The following ADGRL3 variants were observed in gnomAD, a reference collection of about 807,000 sequenced individuals.
ADGRL3 encodes the protein calcium-independent alpha-latrotoxin receptor 3.
ADGRL3 carries 62 observed loss-of-function variants against 153.5 expected under a neutral mutation model. The observed-to-expected ratio is 0.40, with a 90% CI of 0.33 to 0.50. The LOEUF (loss-of-function observed/expected upper bound fraction) is 0.50, where lower values mean the gene tolerates loss of function less well. ADGRL3 is among the 20% of genes least tolerant of loss of function. ADGRL3 has a pLI of 0.47. For synonymous variants in ADGRL3, 710 were observed against 672.5 expected (o/e 1.06, Z -0.86); for missense variants, 1,641 against 1,859.4 (o/e 0.88, Z 2.16).
chr4:61,672,036 C>T (rs2095025410), intron 5 of ADGRL3, among the ~76,000 whole-genome samples: 2 of 152,068 alleles, frequency 1.3e-5, no homozygotes, highest in Non-Finnish European at 2.9e-5. Context: ...GTTTTGTTTG[C>T]TGTACAGAAG....
chr4:62,073,103 T>A lies in ADGRL3; in HGVS notation c.*2195T>A, dbSNP rs1746177897. 1 of 152,096 alleles carries A rather than the reference T, an allele frequency of 6.6e-6. No homozygotes were observed. Among genetic ancestry groups the A allele is most frequent in the African/African-American group, 2.4e-5 (1 of 41,424 alleles). 9.4% of individuals were successfully genotyped at this position (152,096 alleles called of 1,614,324 possible). On this transcript the variant is annotated 3_prime_UTR_variant, in exon 27 of 27. Coordinates refer to ENST00000683033, the MANE Select transcript of ADGRL3 (RefSeq NM_001387552.1). ...ATTATAATTTCTCCTGTAGTGTGTT[T>A]TATCTCGGGGTTTCCTTTTTCAAAA...
chr4:61,577,266 C>T (rs1037552481), intron 4 of ADGRL3, among the ~76,000 whole-genome samples: 16 of 151,340 alleles, frequency 1.1e-4, no homozygotes, highest in Admixed American at 2.6e-4. Context: ...ATAGATTGTG[C>T]ATTTCTCAAA....
intron 9 of ADGRL3, among the ~76,000 whole-genome samples, chr4:61,883,953 A>T (rs1175442845): frequency 6.6e-6 from 1 of 152,192 alleles, no homozygotes; most frequent in Non-Finnish European, 1.5e-5. Flanking sequence ...AGGCTGAATG[A>T]ACAGAGTTTG....
intron 15 of ADGRL3, among the ~76,000 whole-genome samples, chr4:61,936,961 A>T (rs954090667): frequency 9.2e-5 from 14 of 152,200 alleles, no homozygotes; most frequent in African/African-American, 3.4e-4. Context: ...AAGAAAAACA[A>T]CTTACATTTG....
intron 1 of ADGRL3, among the ~76,000 whole-genome samples, chr4:61,258,734 TC>T (rs1208082046): frequency 6.6e-6 from 1 of 152,172 alleles, no homozygotes; most frequent in Admixed American, 6.5e-5. Context: ...TCTTTCTTCT[TC>T]TTTGTAGCCC....
chr4:62,074,283 A>G lies in ADGRL3; in HGVS notation c.*3375A>G, dbSNP rs1746496622. On this transcript the variant is annotated 3_prime_UTR_variant, in exon 27 of 27. Coordinates refer to ENST00000683033, the MANE Select transcript of ADGRL3 (RefSeq NM_001387552.1). The stretch of plus-strand genomic sequence containing the variant: ...TAGAAGTAAAACTTATGCCACCGAA[A>G]CAAACAAATGATTACTTTCTTGTCA... The G allele has an allele frequency of 6.6e-6, 1 of 152,154 alleles. No individual in the cohort carries two copies. The highest frequency in any genetic ancestry group is 2.1e-4 in the South Asian group (1 of 4,830). 9.4% of individuals were successfully genotyped at this position (152,154 alleles called of 1,614,324 possible). A position where few individuals can be genotyped will look rare whatever the true frequency, so the allele number is the denominator to read the frequency against.
chr4:61,879,794 A>C (rs1356160095), intron 9 of ADGRL3, among the ~76,000 whole-genome samples: 1 of 152,120 alleles, frequency 6.6e-6, no homozygotes, highest in Admixed American at 6.6e-5. Flanking sequence ...ATCGTAGCTC[A>C]CTGCAGCCTT....
chr4:61,576,471 T>A (rs1349357485), intron 4 of ADGRL3, among the ~76,000 whole-genome samples: 2 of 151,128 alleles, frequency 1.3e-5, no homozygotes, highest in Non-Finnish European at 2.9e-5. Flanking sequence ...ATTTCTAGCA[T>A]TTGGCAATGA....
chr4:61,655,477 G>T (rs1431705702), intron 5 of ADGRL3, among the ~76,000 whole-genome samples: 1 of 152,012 alleles, frequency 6.6e-6, no homozygotes, highest in Non-Finnish European at 1.5e-5. Flanking sequence ...TCAGTCATCA[G>T]TATTAACTAT....
chr4:61,492,740 G>A (rs75100041), intron 2 of ADGRL3, among the ~76,000 whole-genome samples: 2,692 of 152,104 alleles, frequency 0.018, 36 homozygotes, highest in South Asian at 0.043. Context: ...ATAAAAATTA[G>A]CATAGGTAAT....
At chr4:61,441,543 G>A (rs1234742584) in intron 2 of ADGRL3, among the ~76,000 whole-genome samples, 5 of 148,238 alleles carry the variant, frequency 3.4e-5, no homozygotes, top group African/African-American at 7.5e-5. Flanking sequence ...TCCTCCAGAC[G>A]GAGTCTTGCT....
intron 4 of ADGRL3, among the ~76,000 whole-genome samples, chr4:61,519,137 A>G (rs933301813): frequency 6.6e-6 from 1 of 152,172 alleles, no homozygotes; most frequent in Non-Finnish European, 1.5e-5. Flanking sequence ...ACACAAACAC[A>G]TAGCTGCTGG....
chr4:61,350,343 GTTTTTTTTTT>G (rs34524532), intron 1 of ADGRL3, among the ~76,000 whole-genome samples: 10 of 127,840 alleles, frequency 7.8e-5, no homozygotes, highest in African/African-American at 2.6e-4. Flanking sequence ...TCTGATGGAG[GTTTTTTTTTT>G]TTTTTTTTTC....
At chr4:61,857,656 C>T (rs949164223) in intron 9 of ADGRL3, among the ~76,000 whole-genome samples, 1 of 145,394 alleles carries the variant, frequency 6.9e-6, no homozygotes, top group African/African-American at 2.7e-5. Context: ...TCCTTCCTTC[C>T]TTCCTTCTTT....
chr4:61,265,205 A>T (rs2092776853), intron 1 of ADGRL3, among the ~76,000 whole-genome samples: 1 of 152,018 alleles, frequency 6.6e-6, no homozygotes, highest in African/African-American at 2.4e-5. Flanking sequence ...CTGGGAAATT[A>T]GAATCTACCA....
chr4:61,388,605 C>T (rs2096767833), intron 2 of ADGRL3, among the ~76,000 whole-genome samples: 1 of 152,196 alleles, frequency 6.6e-6, no homozygotes, highest in African/African-American at 2.4e-5. Context: ...TAGGCTACTA[C>T]CTTTGTCCAA....
chr4:61,500,226 A>G (rs745541090), intron 3 of ADGRL3, among the ~76,000 whole-genome samples: 7 of 152,194 alleles, frequency 4.6e-5, no homozygotes, highest in Admixed American at 1.3e-4. Context: ...TTTGAACCAT[A>G]GAGGACAAAA....
intron 6 of ADGRL3, among the ~76,000 whole-genome samples, chr4:61,708,341 G>A (rs902563388): frequency 1.1e-4 from 16 of 151,842 alleles, no homozygotes; most frequent in Admixed American, 7.2e-4. Context: ...TAGTTGCTAC[G>A]TTTTTTGGTT....
chr4:61,521,333 TC>T (rs2098529883), intron 4 of ADGRL3, among the ~76,000 whole-genome samples: 1 of 151,944 alleles, frequency 6.6e-6, no homozygotes, highest in Admixed American at 6.6e-5. Context: ...AACATAGAAG[TC>T]CCAAGGATAA....
Sources: gnomAD v4.1 joint callset for allele counts (sites outside exome capture counted in the v4.1 genomes callset) on GRCh38, gnomAD v4.1.1 for gene constraint, MANE v1.5 for transcripts, NCBI Gene and HGNC (gene_info 2026-07-23, HGNC 2026-07-21) for gene names.